CACNB2: variants seen among roughly 807,000 people sequenced by gnomAD.
CACNB2 encodes voltage-dependent L-type calcium channel subunit beta-2.
CACNB2 carries 42 observed loss-of-function variants against 73.3 expected under a neutral mutation model. The ratio of observed to expected loss-of-function variants is 0.57; its 90% CI spans 0.45 to 0.74. The LOEUF (loss-of-function observed/expected upper bound fraction) is 0.74. CACNB2 is among the 30% of genes least tolerant of loss of function. CACNB2 has a pLI of 0.00. For missense variants in CACNB2, 940 were observed against 853.0 expected (o/e 1.10, Z -1.27); for synonymous variants, 348 against 310.3 (o/e 1.12, Z -1.28).
rs191094319 is a variant in CACNB2, at chr10:18,184,024, A to G, written c.213+33049A>G. On this transcript the variant is annotated intron_variant, in intron 2 of 13. Coordinates refer to ENST00000324631, the MANE Select transcript of CACNB2 (RefSeq NM_201596.3). Reference sequence around the variant, plus strand: ...AAGGATTAAAAGTGTTAATCCAAGAAAAATGCTAAAACAGTGCCCAGCCAA... The same window carrying G: ...AAGGATTAAAAGTGTTAATCCAAGAGAAATGCTAAAACAGTGCCCAGCCAA... Among the ~76,000 whole-genome samples the G allele has an allele frequency of 2.5e-3, 379 of 152,368 alleles. 1 individual carries two copies. The highest frequency in any genetic ancestry group is 8.7e-3 in the African/African-American group (362 of 41,592).
At chr10:18,428,204 A>T (rs1342541681) in intron 3 of CACNB2, among the ~76,000 whole-genome samples, 1 of 152,030 alleles carries the variant, frequency 6.6e-6, no homozygotes, top group Non-Finnish European at 1.5e-5. Flanking sequence ...CAAATGGGAG[A>T]GAGCTCTTTT....
intron 3 of CACNB2, among the ~76,000 whole-genome samples, chr10:18,429,553 A>G (rs1361154599): frequency 1.3e-5 from 2 of 151,970 alleles, no homozygotes; most frequent in Non-Finnish European, 1.5e-5. Flanking sequence ...TAGGCCAGGC[A>G]TGGTGACTCA....
chr10:18,518,476 C>A (rs1003105165), intron 8 of CACNB2, 60 bp downstream of exon 8: 28 of 1,099,740 alleles, frequency 2.5e-5, no homozygotes, highest in Non-Finnish European at 3.8e-5. Flanking sequence ...TGTGATGCTG[C>A]CTCCTACTCC....
chr10:18,426,601 A>G (rs2045610182), intron 3 of CACNB2, among the ~76,000 whole-genome samples: 2 of 152,190 alleles, frequency 1.3e-5, no homozygotes, highest in South Asian at 4.1e-4. Context: ...GCAATTTTGG[A>G]GGCCAAGGTA....
At chr10:18,200,272 G>A (rs1380173501) in intron 2 of CACNB2, among the ~76,000 whole-genome samples, 2 of 151,610 alleles carry the variant, frequency 1.3e-5, no homozygotes, top group African/African-American at 4.9e-5. Flanking sequence ...CAAAAAAAAA[G>A]TTTTTTTGTG....
chr10:18,281,692 A>C (rs1038432764), intron 2 of CACNB2, among the ~76,000 whole-genome samples: 4 of 152,144 alleles, frequency 2.6e-5, no homozygotes, highest in African/African-American at 9.7e-5. Context: ...TGTTTCTGGG[A>C]GACAGAGGAG....
intron 3 of CACNB2, among the ~76,000 whole-genome samples, chr10:18,441,332 G>A (rs1210397252): frequency 6.6e-6 from 1 of 152,156 alleles, no homozygotes; most frequent in African/African-American, 2.4e-5. Context: ...TTGAACCAGG[G>A]AGTCAGAGGT....
In CACNB2 at chr10:18,275,847, G is replaced by A. The variant is rs954116109; in HGVS notation, c.213+124872G>A. On this transcript the variant is annotated intron_variant, in intron 2 of 13. Coordinates refer to ENST00000324631, the MANE Select transcript of CACNB2 (RefSeq NM_201596.3). The stretch of plus-strand genomic sequence containing the variant: ...CTAAATTACCATGCAGACCACAGAA[G>A]CTCAAGATTTTAAATTTTGAAGTAG... Among the ~76,000 whole-genome samples, 3 of 152,100 alleles carry A rather than the reference G, an allele frequency of 2.0e-5. No homozygotes were observed. The East Asian group carries it at 5.8e-4, about 29-fold the overall frequency.
At chr10:18,488,311 T>C (rs2132910061) in intron 3 of CACNB2, among the ~76,000 whole-genome samples, 1 of 151,054 alleles carries the variant, frequency 6.6e-6, no homozygotes, top group South Asian at 2.1e-4. Context: ...CCGTCTCTAC[T>C]AAAAATACAG....
chr10:18,155,804 T>A lies in CACNB2; in HGVS notation c.213+4829T>A, dbSNP rs536627668. Among the ~76,000 whole-genome samples the A allele has an allele frequency of 4.6e-5, 7 of 151,904 alleles. No homozygotes were observed. In the South Asian group the frequency reaches 1.5e-3, roughly 32 times the overall value. On this transcript the variant is annotated intron_variant, in intron 2 of 13. Coordinates refer to ENST00000324631, the MANE Select transcript of CACNB2 (RefSeq NM_201596.3). The stretch of plus-strand genomic sequence containing the variant: ...TATTAATACCCATTTTTCTGATATC[T>A]AACCCACAATTTAACTGTGGCTAGG...
intron 2 of CACNB2, among the ~76,000 whole-genome samples, chr10:18,207,845 T>TA (rs1262504171): frequency 9.9e-5 from 15 of 152,108 alleles, no homozygotes; most frequent in Non-Finnish European, 1.8e-4. Flanking sequence ...TTTGTCAATT[T>TA]AAAAAATAGT....
intron 2 of CACNB2, among the ~76,000 whole-genome samples, chr10:18,288,503 A>G (rs2038899794): frequency 6.6e-6 from 1 of 152,206 alleles, no homozygotes. Context: ...TTTGAGTAGT[A>G]TTGCAGAAAA....
rs2053551962 is a variant in CACNB2, at chr10:18,536,197, G to GTAAGT, written c.1302+4_1302+8dup. 7.6e-7 allele frequency: 1 copy of GTAAGT among 1,308,762 alleles called. No homozygotes were observed. The highest frequency in any genetic ancestry group is 1.2e-5 in the South Asian group (1 of 85,568). The allele number at this position is 1,308,762 out of a possible 1,614,324, so 81.1% of individuals were successfully genotyped here. A position where few individuals can be genotyped will look rare whatever the true frequency, so the allele number is the denominator to read the frequency against. ...TGATAAACTGGCTCAGTGTCCTCCA[G>GTAAGT]TAAGTTATCTCTATATACAGCATAA... On this transcript the variant is annotated splice_donor_variant, in intron 12 of 13. Coordinates refer to ENST00000324631, the MANE Select transcript of CACNB2 (RefSeq NM_201596.3). LOFTEE classifies it high-confidence loss of function.
At chr10:18,523,190 A>C (rs888186193) in intron 9 of CACNB2, among the ~76,000 whole-genome samples, 1 of 152,072 alleles carries the variant, frequency 6.6e-6, no homozygotes, top group African/African-American at 2.4e-5. Flanking sequence ...TCTGTCATTT[A>C]TCACAATTTG....
intron 3 of CACNB2, among the ~76,000 whole-genome samples, chr10:18,453,591 A>T (rs1015091426): frequency 1.3e-5 from 2 of 152,222 alleles, no homozygotes; most frequent in Admixed American, 1.3e-4. Context: ...CATTAATGAA[A>T]GAGTTCATAG....
intron 3 of CACNB2, among the ~76,000 whole-genome samples, chr10:18,414,366 T>G (rs1463348199): frequency 6.6e-6 from 1 of 152,222 alleles, no homozygotes; most frequent in Non-Finnish European, 1.5e-5. Flanking sequence ...TCTCTGTTTA[T>G]TTATGGTTAT....
intron 3 of CACNB2, among the ~76,000 whole-genome samples, chr10:18,402,561 A>G (rs2044062495): frequency 6.6e-6 from 1 of 152,168 alleles, no homozygotes; most frequent in South Asian, 2.1e-4. Context: ...GATTTTTAAA[A>G]GTTTCTTCTC....
At chr10:18,449,399 A>ATAAAAAT (rs1305452882) in intron 3 of CACNB2, among the ~76,000 whole-genome samples, 5 of 152,162 alleles carry the variant, frequency 3.3e-5, no homozygotes, top group Non-Finnish European at 7.4e-5. Flanking sequence ...AAAATAAAAA[A>ATAAAAAT]TAAAACACAC....
chr10:18,481,792 T>A (rs914812381), intron 3 of CACNB2, among the ~76,000 whole-genome samples: 5 of 152,224 alleles, frequency 3.3e-5, no homozygotes, highest in Admixed American at 3.3e-4. Context: ...AGTTGTCTTG[T>A]TGATTAAATA....
Sources: allele counts gnomAD v4.1 joint callset (sites outside exome capture counted in the v4.1 genomes callset), GRCh38; gene constraint gnomAD v4.1.1; transcripts MANE v1.5; gene names NCBI Gene and HGNC (gene_info 2026-07-23, HGNC 2026-07-21).